Variants in SMURF1 observed in about 807,000 individuals in gnomAD.
The protein encoded by SMURF1 is E3 ubiquitin-protein ligase SMURF1.
A neutral mutation model predicts 98.0 loss-of-function variants in SMURF1; 44 were observed. That is an observed-to-expected ratio of 0.45 (90% CI 0.35 to 0.58). The LOEUF is 0.58. Ranked by LOEUF, SMURF1 falls within the 20% of genes least tolerant of loss-of-function variation. SMURF1 has a pLI of 0.00. For missense variants in SMURF1, 687 were observed against 938.4 expected, an observed-to-expected ratio of 0.73 and a Z score of 3.50; for synonymous variants, 396 against 374.9, an observed-to-expected ratio of 1.06 and a Z score of -0.65.
At chr7:99,083,280 C>T (rs961281209) in intron 1 of SMURF1, among the ~76,000 whole-genome samples, 5 of 152,112 alleles carry the variant, frequency 3.3e-5, no homozygotes, top group Admixed American at 6.5e-5. Context: ...ATAAAACAAA[C>T]TCTTAGCATT....
chr7:99,093,458 A>G (rs1441387167), intron 1 of SMURF1, among the ~76,000 whole-genome samples: 1 of 152,230 alleles, frequency 6.6e-6, no homozygotes, highest in Admixed American at 6.5e-5. Flanking sequence ...TGGAAAATAA[A>G]GATTCTCCTG....
At chr7:99,105,370 G>A (rs1056830806) in intron 1 of SMURF1, among the ~76,000 whole-genome samples, 3 of 151,938 alleles carry the variant, frequency 2.0e-5, no homozygotes, top group African/African-American at 4.8e-5. Flanking sequence ...AATCTTTCTC[G>A]AAGGAAAAAA....
At chr7:99,143,627 G>T in intron 1 of SMURF1, 99 bp downstream of exon 1, 1 of 1,033,710 alleles carries the variant, frequency 9.7e-7, no homozygotes, top group South Asian at 1.7e-5. Flanking sequence ...TGGGACAACG[G>T]CCGGCGTGGG....
At chr7:99,126,396 G>T (rs181114658) in intron 1 of SMURF1, among the ~76,000 whole-genome samples, 158 of 147,834 alleles carry the variant, frequency 1.1e-3, no homozygotes, top group Admixed American at 5.0e-3. Flanking sequence ...AGTGGTTCAC[G>T]CCTGTAATCC....
intron 1 of SMURF1, among the ~76,000 whole-genome samples, chr7:99,114,485 C>T (rs1414213140): frequency 6.6e-6 from 1 of 152,004 alleles, no homozygotes; most frequent in African/African-American, 2.4e-5. Flanking sequence ...ATATATGAAC[C>T]TAACAATAGA....
At chr7:99,110,125 A>G (rs1797286528) in intron 1 of SMURF1, among the ~76,000 whole-genome samples, 1 of 152,260 alleles carries the variant, frequency 6.6e-6, no homozygotes, top group African/African-American at 2.4e-5. Context: ...ATTCAGTAAG[A>G]TAACTGGGAA....
intron 2 of SMURF1, 56 bp from the exon 3 acceptor site, chr7:99,060,763 A>G: frequency 1.8e-6 from 2 of 1,106,506 alleles, no homozygotes; most frequent in Non-Finnish European, 2.7e-6. Context: ...TCCATGTGAC[A>G]CAGAACACAC....
chr7:99,098,277 G>A (rs1796997929), intron 1 of SMURF1, among the ~76,000 whole-genome samples: 2 of 152,238 alleles, frequency 1.3e-5, no homozygotes, highest in South Asian at 2.1e-4. Flanking sequence ...GATGGAAGCA[G>A]GGGAGACGAT....
At chr7:99,032,859 G>A in intron 17 of SMURF1, 178 bp downstream of exon 17, 1 of 871,114 alleles carries the variant, frequency 1.1e-6, no homozygotes, top group Non-Finnish European at 1.8e-6. Context: ...CTTCAGAATT[G>A]TCATTCAACT....
chr7:99,042,863 C>T (rs186649270), intron 11 of SMURF1, among the ~76,000 whole-genome samples: 6 of 152,200 alleles, frequency 3.9e-5, no homozygotes, highest in Admixed American at 6.5e-5. Context: ...GAAATGAGAG[C>T]GAATAGGGAA....
At chr7:99,115,478 A>G (rs1797418823) in intron 1 of SMURF1, among the ~76,000 whole-genome samples, 1 of 152,150 alleles carries the variant, frequency 6.6e-6, no homozygotes, top group African/African-American at 2.4e-5. Flanking sequence ...CTGTAATCCC[A>G]GCTACTTGGG....
chr7:99,105,675 T>C (rs1797179435), intron 1 of SMURF1, among the ~76,000 whole-genome samples: 1 of 152,216 alleles, frequency 6.6e-6, no homozygotes, highest in Non-Finnish European at 1.5e-5. Context: ...TTTACCACCA[T>C]ATATACTGTT....
intron 3 of SMURF1, among the ~76,000 whole-genome samples, chr7:99,058,453 C>T (rs1459753424): frequency 6.6e-6 from 1 of 152,074 alleles, no homozygotes; most frequent in Non-Finnish European, 1.5e-5. Context: ...TTAATAGTCG[C>T]ATAGGACAGT....
intron 2 of SMURF1, among the ~76,000 whole-genome samples, chr7:99,061,002 A>T (rs1225915764): frequency 6.6e-6 from 1 of 152,192 alleles, no homozygotes; most frequent in Non-Finnish European, 1.5e-5. Context: ...AAAAATTAAT[A>T]ATGCCCCGAA....
At chr7:99,040,862 G>T (rs1366308654) in intron 12 of SMURF1, among the ~76,000 whole-genome samples, 1 of 152,176 alleles carries the variant, frequency 6.6e-6, no homozygotes, top group African/African-American at 2.4e-5. Context: ...TGACAACAGA[G>T]AATCGAACCA....
At position 99,054,165 on chromosome 7, in the gene SMURF1, G is replaced by A. The variant is rs553533211; in HGVS notation, c.479+625C>T. Among the ~76,000 whole-genome samples, 11 of 152,112 alleles carry A rather than the reference G, an allele frequency of 7.2e-5. No individual in the cohort carries two copies. In the East Asian group the frequency reaches 1.7e-3, roughly 24 times the overall value. Reference sequence around the variant, plus strand: ...TGTTGCCCTGGCTGGTCTCAAACTCGAGACCAAAGTCTCTGGCCACCTTGG... The same window carrying A: ...TGTTGCCCTGGCTGGTCTCAAACTCAAGACCAAAGTCTCTGGCCACCTTGG... On this transcript the variant is annotated intron_variant, in intron 6 of 17. Transcript: ENST00000361368.
chr7:99,120,403 A>G (rs1282366592), intron 1 of SMURF1, among the ~76,000 whole-genome samples: 1 of 152,206 alleles, frequency 6.6e-6, no homozygotes, highest in Non-Finnish European at 1.5e-5. Flanking sequence ...TACTACCTAC[A>G]GTCTCCAACA....
intron 15 of SMURF1, 48 bp from the exon 16 acceptor site, chr7:99,035,764 C>T (rs757427858): frequency 4.5e-6 from 7 of 1,569,278 alleles, no homozygotes; most frequent in South Asian, 3.4e-5. Context: ...CATAAACCCA[C>T]GTCAGGATGC....
chr7:99,100,826 C>T (rs1797061125), intron 1 of SMURF1, among the ~76,000 whole-genome samples: 1 of 152,156 alleles, frequency 6.6e-6, no homozygotes, highest in Non-Finnish European at 1.5e-5. Flanking sequence ...GAAATTTAGA[C>T]ATATACATCT....
Sources: allele counts gnomAD v4.1 joint callset (sites outside exome capture counted in the v4.1 genomes callset), GRCh38; gene constraint gnomAD v4.1.1; transcripts MANE v1.5; gene names NCBI Gene and HGNC (gene_info 2026-07-23, HGNC 2026-07-21).